Variants in CNTNAP5 observed in about 807,000 individuals in gnomAD.
The protein encoded by CNTNAP5 is contactin-associated protein-like 5.
Under a neutral mutation model 150.2 loss-of-function variants are expected in CNTNAP5, and 72 were observed. That is an observed-to-expected ratio of 0.48 (90% CI 0.40 to 0.58). The LOEUF (loss-of-function observed/expected upper bound fraction) is 0.58. Among genes scored for constraint, CNTNAP5 ranks in the 20% least tolerant of loss-of-function variants. The probability of loss-of-function intolerance (pLI) is 0.00; values close to 1 mark genes in which losing one functional copy is unlikely to be tolerated. For missense variants in CNTNAP5, 1,636 were observed against 1,626.2 expected (o/e 1.01, Z -0.10); for synonymous variants, 672 against 619.8 (o/e 1.08, Z -1.25).
At position 124,916,204 on chromosome 2, in the gene CNTNAP5, T is replaced by C. The variant is rs1475104884; in HGVS notation, c.*1916T>C. Among the ~76,000 whole-genome samples the C allele has an allele frequency of 6.6e-6, 1 of 151,506 alleles. No homozygotes were observed. Among genetic ancestry groups the C allele is most frequent in the African/African-American group, 2.4e-5 (1 of 40,856 alleles). On this transcript the variant is annotated 3_prime_UTR_variant, in exon 24 of 24. Coordinates refer to ENST00000682447, the MANE Select transcript of CNTNAP5 (RefSeq NM_001367498.1). ...TCTGTGGATTTGAGCTCAATCGCTT[T>C]ATCATCTACATGATATCTTTTGGCT...
intron 3 of CNTNAP5, among the ~76,000 whole-genome samples, chr2:124,315,937 T>C (rs1688948022): frequency 6.6e-6 from 1 of 152,154 alleles, no homozygotes; most frequent in Non-Finnish European, 1.5e-5. Context: ...TGGCTCTCCT[T>C]CCTACCTGCT....
chr2:124,363,292 C>CT (rs147343912), intron 3 of CNTNAP5, among the ~76,000 whole-genome samples: 6,247 of 152,198 alleles, frequency 0.041, 464 homozygotes, highest in African/African-American at 0.14. Flanking sequence ...GGACCAGATT[C>CT]TTTTCCCTGA....
At chr2:124,300,264 T>C (rs1688541779) in intron 3 of CNTNAP5, among the ~76,000 whole-genome samples, 1 of 152,232 alleles carries the variant, frequency 6.6e-6, no homozygotes, top group African/African-American at 2.4e-5. Flanking sequence ...CACAGAAATC[T>C]GTTTTCTTAT....
rs2104757138 is a variant in CNTNAP5, at chr2:124,234,430, G to A, written c.188-7770G>A. The stretch of plus-strand genomic sequence containing the variant: ...TACTAAGTATTTAAACGTGGCTACT[G>A]TGACTAAGAAATTCAATTTTTAATT... On this transcript the variant is annotated intron_variant, in intron 2 of 23. Transcript: ENST00000682447. Among the ~76,000 whole-genome samples, 3 of 152,304 alleles carry A rather than the reference G, an allele frequency of 2.0e-5. No homozygotes were observed. In the South Asian group the frequency reaches 6.2e-4, roughly 32 times the overall value.
chr2:124,761,130 C>A (rs144148614), intron 14 of CNTNAP5, among the ~76,000 whole-genome samples: 2 of 152,162 alleles, frequency 1.3e-5, no homozygotes, highest in Non-Finnish European at 2.9e-5. Flanking sequence ...AGCAAATCTA[C>A]AGCTGTAGAC....
chr2:124,764,286 T>A, intron 16 of CNTNAP5, 139 bp downstream of exon 16: 1 of 642,690 alleles, frequency 1.6e-6, no homozygotes, highest in Non-Finnish European at 2.7e-6. Context: ...AGTGATAATG[T>A]CTAGTTCCTT....
At chr2:124,736,122 C>T (rs563533399) in intron 13 of CNTNAP5, among the ~76,000 whole-genome samples, 3 of 152,090 alleles carry the variant, frequency 2.0e-5, no homozygotes, top group South Asian at 2.1e-4. Context: ...CCCAGCTATT[C>T]GAGAGACTGA....
intron 19 of CNTNAP5, among the ~76,000 whole-genome samples, chr2:124,805,510 A>G (rs1042506749): frequency 2.0e-5 from 3 of 152,172 alleles, no homozygotes; most frequent in African/African-American, 7.2e-5. Context: ...AGCATGTGCC[A>G]GCATCAAAGA....
intron 3 of CNTNAP5, among the ~76,000 whole-genome samples, chr2:124,269,886 G>C (rs1229850125): frequency 6.6e-6 from 1 of 152,196 alleles, no homozygotes; most frequent in Admixed American, 6.5e-5. Context: ...CAACTGGAAA[G>C]CTGGGCATTG....
At chr2:124,884,046 C>T (rs986317301) in intron 21 of CNTNAP5, among the ~76,000 whole-genome samples, 1 of 152,066 alleles carries the variant, frequency 6.6e-6, no homozygotes, top group African/African-American at 2.4e-5. Context: ...CATGCATGTT[C>T]CACTCTGTGT....
chr2:124,226,290 G>T (rs774411414), intron 2 of CNTNAP5, among the ~76,000 whole-genome samples: 1 of 151,834 alleles, frequency 6.6e-6, no homozygotes, highest in Non-Finnish European at 1.5e-5. Context: ...TTTATAAAGA[G>T]CCATCCTAAC....
intron 7 of CNTNAP5, among the ~76,000 whole-genome samples, chr2:124,499,586 C>G (rs1212958856): frequency 6.6e-6 from 1 of 152,204 alleles, no homozygotes; most frequent in Non-Finnish European, 1.5e-5. Context: ...ACGAGGGACA[C>G]AATCCAAGGG....
chr2:124,813,859 T>C (rs1016379246), intron 19 of CNTNAP5, among the ~76,000 whole-genome samples: 3 of 151,940 alleles, frequency 2.0e-5, no homozygotes, highest in Non-Finnish European at 2.9e-5. Flanking sequence ...ATTCAATTCT[T>C]TATACAAAGA....
chr2:124,541,829 C>A (rs933925121), intron 10 of CNTNAP5, among the ~76,000 whole-genome samples: 1 of 152,096 alleles, frequency 6.6e-6, no homozygotes, highest in African/African-American at 2.4e-5. Flanking sequence ...ACATTTTGCA[C>A]ACTTATATGA....
intron 19 of CNTNAP5, among the ~76,000 whole-genome samples, chr2:124,854,094 T>C (rs191162343): frequency 9.2e-5 from 14 of 152,336 alleles, no homozygotes; most frequent in Admixed American, 5.2e-4. Context: ...GTCTTTGCTA[T>C]TGCGAATAGT....
At chr2:124,799,823 T>C (rs1681928278) in intron 19 of CNTNAP5, among the ~76,000 whole-genome samples, 1 of 152,212 alleles carries the variant, frequency 6.6e-6, no homozygotes, top group Non-Finnish European at 1.5e-5. Context: ...GTGTCCTTCT[T>C]TCTAAGATAA....
At chr2:124,773,924 G>A (rs1681262515) in intron 17 of CNTNAP5, among the ~76,000 whole-genome samples, 1 of 145,996 alleles carries the variant, frequency 6.8e-6, no homozygotes, top group South Asian at 2.2e-4. Flanking sequence ...GTGTGTGTGT[G>A]TGTGTGTGTG....
Position 124,457,888 on chromosome 2 carries a change from GC to G in CNTNAP5, c.918+10953del, listed in dbSNP as rs1199080326. On this transcript the variant is annotated intron_variant, in intron 6 of 23. Coordinates refer to ENST00000682447, the MANE Select transcript of CNTNAP5 (RefSeq NM_001367498.1). ...ATACCATCTTACTCCTGCAAGAATG[GC>G]CATAATCAAAAAATCAAAAAATAGT... Among the ~76,000 whole-genome samples the G allele has an allele frequency of 2.0e-5, 3 of 152,100 alleles. No homozygotes were observed. The East Asian group carries it at 5.8e-4, about 29-fold the overall frequency.
intron 21 of CNTNAP5, among the ~76,000 whole-genome samples, chr2:124,895,876 T>G (rs1444062744): frequency 6.6e-6 from 1 of 151,432 alleles, no homozygotes; most frequent in Non-Finnish European, 1.5e-5. Flanking sequence ...GAAAGGACTT[T>G]CAGTCTGGCA....
Sources: allele counts gnomAD v4.1 joint callset (sites outside exome capture counted in the v4.1 genomes callset), GRCh38; gene constraint gnomAD v4.1.1; transcripts MANE v1.5; gene names NCBI Gene and HGNC (gene_info 2026-07-23, HGNC 2026-07-21).